The following TECRL variants were observed in gnomAD, a reference collection of about 807,000 sequenced individuals.
TECRL encodes trans-2,3-enoyl-CoA reductase like.
TECRL carries 63 observed loss-of-function variants against 52.8 expected under a neutral mutation model. The observed-to-expected ratio is 1.19, with a 90% CI of 0.97 to 1.47. TECRL has a LOEUF of 1.47. Ranked by LOEUF, TECRL falls within the 40% of genes most tolerant of loss-of-function variation. The pLI, the probability that TECRL is intolerant of heterozygous loss-of-function variation, is 0.00. For synonymous variants in TECRL, 164 were observed against 141.9 expected (o/e 1.16, Z -1.10); for missense variants, 482 against 429.6 (o/e 1.12, Z -1.08).
chr4:64,287,582 T>C (rs1282043403), intron 9 of TECRL, among the ~76,000 whole-genome samples: 1 of 152,134 alleles, frequency 6.6e-6, no homozygotes, highest in Non-Finnish European at 1.5e-5. Context: ...TTACCAAAAA[T>C]ATCTTTAAAT....
At chr4:64,361,710 CCTAT>C (rs139540074) in intron 2 of TECRL, among the ~76,000 whole-genome samples, 33,653 of 151,970 alleles carry the variant, frequency 0.22, 3,827 homozygotes, top group Middle Eastern at 0.3. Context: ...AGCAAAATTC[CCTAT>C]CTGAGAGACA....
At chr4:64,324,285 G>C (rs1358710127) in intron 3 of TECRL, among the ~76,000 whole-genome samples, 3 of 151,936 alleles carry the variant, frequency 2.0e-5, no homozygotes, top group Non-Finnish European at 4.4e-5. Flanking sequence ...TAAGGTAAGA[G>C]ATAAATATTT....
At chr4:64,305,306 C>T in intron 6 of TECRL, 68 bp from the exon 7 acceptor site, 1 of 1,398,592 alleles carries the variant, frequency 7.2e-7, no homozygotes, top group East Asian at 2.3e-5. Flanking sequence ...TTGTGACATA[C>T]ATTTATATTA....
chr4:64,299,105 A>C (rs1723857554), intron 8 of TECRL: 1 of 151,188 alleles, frequency 6.6e-6, no homozygotes, highest in Non-Finnish European at 1.5e-5. Flanking sequence ...TGCTGAAAAG[A>C]CAAAAAAAAA....
At position 64,339,738 on chromosome 4, in the gene TECRL, C is replaced by A. The variant is rs147753092; in HGVS notation, c.287-11182G>T. On this transcript the variant is annotated intron_variant, in intron 2 of 11. Transcript: ENST00000381210. The stretch of plus-strand genomic sequence containing the variant: ...CGTCTTATACTAAGAAATGCACTAC[C>A]CCCAAACTAGAGATTTCAAATATCT... Among the ~76,000 whole-genome samples, 1,175 of 152,142 alleles carry A rather than the reference C, an allele frequency of 7.7e-3. 18 individuals are homozygous for A. Among genetic ancestry groups the A allele is most frequent in the African/African-American group, 0.027 (1,103 of 41,492 alleles).
At chr4:64,401,302 C>G (rs4860600) in intron 1 of TECRL, among the ~76,000 whole-genome samples, 37,699 of 152,092 alleles carry the variant, frequency 0.25, 4,801 homozygotes, top group Middle Eastern at 0.31. Flanking sequence ...AAGTATCACA[C>G]CATGTACTTA....
chr4:64,310,509 A>T (rs1724611792), intron 5 of TECRL, among the ~76,000 whole-genome samples: 1 of 152,108 alleles, frequency 6.6e-6, no homozygotes, highest in Non-Finnish European at 1.5e-5. Flanking sequence ...GCTGTACTCT[A>T]AGTTACCACC....
intron 11 of TECRL, 152 bp from the exon 12 acceptor site, chr4:64,280,351 C>A (rs1266969099): frequency 3.7e-6 from 2 of 545,286 alleles, no homozygotes; most frequent in Admixed American, 8.7e-5. Context: ...CATTCCCAAG[C>A]AATAGCCAAT....
chr4:64,381,718 A>G (rs1341768543), intron 1 of TECRL, among the ~76,000 whole-genome samples: 2 of 152,126 alleles, frequency 1.3e-5, no homozygotes, highest in African/African-American at 4.8e-5. Flanking sequence ...ATATTGAAGT[A>G]TACATTTATT....
chr4:64,302,143 T>C (rs1337293070), intron 7 of TECRL, among the ~76,000 whole-genome samples: 1 of 151,398 alleles, frequency 6.6e-6, no homozygotes, highest in African/African-American at 2.4e-5. Flanking sequence ...ATCTATTTCA[T>C]TTAGTTGTAT....
chr4:64,322,846 G>T, intron 3 of TECRL, 54 bp from the exon 4 acceptor site: 1 of 1,305,500 alleles, frequency 7.7e-7, no homozygotes, highest in Non-Finnish European at 1.1e-6. Flanking sequence ...TTAGCATAAC[G>T]ATAAAGAATT....
At chr4:64,352,256 G>A (rs1434885239) in intron 2 of TECRL, among the ~76,000 whole-genome samples, 2 of 152,076 alleles carry the variant, frequency 1.3e-5, no homozygotes, top group Admixed American at 6.5e-5. Context: ...GGCTGTACAA[G>A]CACCAAGGCA....
At chr4:64,298,218 T>C (rs1723796528) in intron 8 of TECRL, among the ~76,000 whole-genome samples, 1 of 151,200 alleles carries the variant, frequency 6.6e-6, no homozygotes, top group Non-Finnish European at 1.5e-5. Context: ...TGCTTAAATG[T>C]GCAATTAAAG....
At chr4:64,366,852 A>G (rs1282610244) in intron 2 of TECRL, among the ~76,000 whole-genome samples, 2 of 152,170 alleles carry the variant, frequency 1.3e-5, no homozygotes, top group African/African-American at 2.4e-5. Flanking sequence ...AATTTACAAC[A>G]GAACTATCGT....
intron 5 of TECRL, among the ~76,000 whole-genome samples, chr4:64,313,479 T>C (rs1362781938): frequency 3.6e-5 from 1 of 28,166 alleles, no homozygotes; most frequent in African/African-American, 5.7e-5. Flanking sequence ...CTTACTCCTT[T>C]TTTTTTTTTT....
rs1188457570 is a variant in TECRL, at chr4:64,322,777, T to C, written c.347A>G (p.Lys116Arg). The C allele has an allele frequency of 1.9e-6, 3 of 1,604,470 alleles. No individual in the cohort carries two copies. The highest frequency in any genetic ancestry group is 2.6e-6 in the Non-Finnish European group (3 of 1,175,880). Residue 116 changes from lysine to arginine, a missense_variant, in exon 4 of 12, where the codon AAG becomes AGG. By Grantham distance (26) the Lys-to-Arg change is conservative. Coordinates refer to ENST00000381210, the MANE Select transcript of TECRL (RefSeq NM_001010874.5). ...LQLECGGPFL[K>R]DYITIQSIAA... ...AATACTTTGAATGGTAATGTAGTCC[T>C]TCAAAAAAGGCCCGCCTAAAATAAA...
intron 5 of TECRL, among the ~76,000 whole-genome samples, chr4:64,312,943 TC>T (rs1269746769): frequency 6.6e-6 from 1 of 152,146 alleles, no homozygotes; most frequent in Non-Finnish European, 1.5e-5. Context: ...AATTGGTCAT[TC>T]CTTTCACTTA....
intron 2 of TECRL, among the ~76,000 whole-genome samples, chr4:64,372,337 G>C (rs548907581): frequency 1.4e-4 from 21 of 151,888 alleles, no homozygotes; most frequent in African/African-American, 5.1e-4. Context: ...TTATTTGTTT[G>C]TATGTGTATG....
At chr4:64,354,308 T>A (rs1720606157) in intron 2 of TECRL, among the ~76,000 whole-genome samples, 1 of 152,128 alleles carries the variant, frequency 6.6e-6, no homozygotes, top group Non-Finnish European at 1.5e-5. Flanking sequence ...AGGGAAATCA[T>A]AGCACAAATA....
Sources: allele counts gnomAD v4.1 joint callset (sites outside exome capture counted in the v4.1 genomes callset), GRCh38; gene constraint gnomAD v4.1.1; transcripts MANE v1.5; gene names NCBI Gene and HGNC (gene_info 2026-07-23, HGNC 2026-07-21).